UTS2: variants seen among roughly 807,000 people sequenced by gnomAD.
UTS2 encodes urotensin 2.
Under a neutral mutation model 12.6 loss-of-function variants are expected in UTS2, and 10 were observed. That is an observed-to-expected ratio of 0.80 (90% CI 0.49 to 1.35). UTS2 has a LOEUF of 1.35. UTS2 is among the 40% of genes most tolerant of loss of function. The pLI, the probability that UTS2 is intolerant of heterozygous loss-of-function variation, is 0.00. For synonymous variants in UTS2, 52 were observed against 50.0 expected, an observed-to-expected ratio of 1.04 and a Z score of -0.17; for missense variants, 142 against 143.2, an observed-to-expected ratio of 0.99 and a Z score of 0.04.
chr1:7,903,685 G>A, the UTS2 span, among the ~76,000 whole-genome samples: 3 of 151,834 alleles, frequency 2.0e-5, no homozygotes, highest in Non-Finnish European at 4.4e-5. Flanking sequence ...CACCACGTCC[G>A]GCCTATTGTC....
At chr1:7,867,674 G>A in the UTS2 span, among the ~76,000 whole-genome samples, 3 of 152,134 alleles carry the variant, frequency 2.0e-5, no homozygotes, top group East Asian at 5.8e-4. Context: ...TCAGGAGTTC[G>A]AGACCAGCCT....
upstream of UTS2, among the ~76,000 whole-genome samples, chr1:7,856,206 C>A (rs1638301231): frequency 6.1e-3 from 1 of 164 alleles, no homozygotes; most frequent in African/African-American, 0.029. Flanking sequence ...GAGTGGGGCA[C>A]CAGCCTATGG....
At chr1:7,896,429 G>C in the UTS2 span, among the ~76,000 whole-genome samples, 2 of 152,094 alleles carry the variant, frequency 1.3e-5, no homozygotes, top group African/African-American at 4.8e-5. Flanking sequence ...TAATATTGAA[G>C]TATAAATTAT....
At chr1:7,873,338 G>A in the UTS2 span, among the ~76,000 whole-genome samples, 1 of 152,214 alleles carries the variant, frequency 6.6e-6, no homozygotes, top group Admixed American at 6.5e-5. Flanking sequence ...TGAGGCTTTA[G>A]CTGCTGTAGA....
the UTS2 span, among the ~76,000 whole-genome samples, chr1:7,865,838 A>G: frequency 6.6e-6 from 1 of 152,272 alleles, no homozygotes; most frequent in South Asian, 2.1e-4. Context: ...CGGGAGGCTG[A>G]GGTGGGAGGA....
At chr1:7,903,130 C>CCTTTTTTTAATTATTAA in the UTS2 span, among the ~76,000 whole-genome samples, 163 of 33,528 alleles carry the variant, frequency 4.9e-3, 15 homozygotes, top group Middle Eastern at 0.044. Flanking sequence ...TCCCCTCCTT[C>CCTTTTTTTAATTATTAA]TCCTGCTTCC....
the UTS2 span, among the ~76,000 whole-genome samples, chr1:7,877,449 T>C: frequency 6.6e-6 from 1 of 152,158 alleles, no homozygotes; most frequent in African/African-American, 2.4e-5. Flanking sequence ...AATAATTCAA[T>C]GAATAAAATA....
chr1:7,851,079 G>A (rs917505746), intron 1 of UTS2, among the ~76,000 whole-genome samples, 157 bp from the exon 2 acceptor site: 3 of 152,214 alleles, frequency 2.0e-5, no homozygotes, highest in East Asian at 3.9e-4. Flanking sequence ...TTCTAGAAGA[G>A]GTGGAAATGC....
chr1:7,896,466 G>C, the UTS2 span, among the ~76,000 whole-genome samples: 1 of 152,088 alleles, frequency 6.6e-6, no homozygotes, highest in Non-Finnish European at 1.5e-5. Context: ...TTTAATATTT[G>C]TGTGTGTATG....
the UTS2 span, among the ~76,000 whole-genome samples, chr1:7,864,961 A>G: frequency 1.1e-5 from 1 of 94,482 alleles, no homozygotes; most frequent in African/African-American, 3.2e-5. Context: ...GTCCTCCCAC[A>G]GCTGTCCCTC....
chr1:7,906,477 A>AAGAAAGAAAG, the UTS2 span, among the ~76,000 whole-genome samples: 457 of 149,098 alleles, frequency 3.1e-3, 3 homozygotes, highest in African/African-American at 0.011. Flanking sequence ...GAAAGAAAGA[A>AAGAAAGAAAG]AGAAAGAAAG....
chr1:7,859,675 C>T, the UTS2 span, among the ~76,000 whole-genome samples: 8 of 152,138 alleles, frequency 5.3e-5, no homozygotes, highest in Non-Finnish European at 8.8e-5. Context: ...GTCACGTGAC[C>T]ATATCGAGGA....
the UTS2 span, among the ~76,000 whole-genome samples, chr1:7,877,148 A>AAAG: frequency 9.6e-6 from 1 of 103,724 alleles, no homozygotes; most frequent in African/African-American, 3.6e-5. Flanking sequence ...AAAAAGAAAA[A>AAAG]AAAAAGAAAC....
At chr1:7,853,840 A>G (rs369397479), upstream of UTS2, among the ~76,000 whole-genome samples, 1 of 152,240 alleles carries the variant, frequency 6.6e-6, no homozygotes, top group Non-Finnish European at 1.5e-5. Context: ...CGGGCCTGCC[A>G]CAGGCTCAGC....
chr1:7,850,531 T>C (rs896014045), intron 2 of UTS2, among the ~76,000 whole-genome samples: 2 of 152,092 alleles, frequency 1.3e-5, no homozygotes, highest in Admixed American at 1.3e-4. Context: ...TAAATTGCAC[T>C]CACTGGAAAC....
chr1:7,903,392 AATTT>A, the UTS2 span, among the ~76,000 whole-genome samples: 3 of 120,422 alleles, frequency 2.5e-5, no homozygotes, highest in African/African-American at 9.6e-5. Flanking sequence ...TTAATTAATT[AATTT>A]ATTTATTTAT....
the UTS2 span, among the ~76,000 whole-genome samples, chr1:7,886,677 T>C: frequency 3.3e-5 from 5 of 152,278 alleles, no homozygotes; most frequent in East Asian, 9.7e-4. Flanking sequence ...ACTTTCTGCT[T>C]CAGTTTTCTA....
the UTS2 span, among the ~76,000 whole-genome samples, chr1:7,890,906 A>G: frequency 6.6e-6 from 1 of 151,276 alleles, no homozygotes; most frequent in Non-Finnish European, 1.5e-5. Flanking sequence ...AGAAAAGAAA[A>G]CACTTCCCCA....
chr1:7,853,152 G>A, upstream of UTS2: 2 of 1,473,692 alleles, frequency 1.4e-6, no homozygotes, highest in Non-Finnish European at 1.8e-6. Context: ...GAATTTATTG[G>A]CTATGGAGGC....
Sources: gnomAD v4.1 joint callset for allele counts (sites outside exome capture counted in the v4.1 genomes callset) on GRCh38, gnomAD v4.1.1 for gene constraint, MANE v1.5 for transcripts, NCBI Gene and HGNC (gene_info 2026-07-23, HGNC 2026-07-21) for gene names.